VWF: variants seen among roughly 807,000 people sequenced by gnomAD.
VWF encodes von Willebrand factor, also known as Factor VIII related antigen.
A neutral mutation model predicts 308.6 loss-of-function variants in VWF; 176 were observed. The ratio of observed to expected loss-of-function variants is 0.57; its 90% CI spans 0.50 to 0.65. The LOEUF (loss-of-function observed/expected upper bound fraction) is 0.65. Among genes scored for constraint, VWF ranks in the 30% least tolerant of loss-of-function variants. The pLI is 0.00. For synonymous variants in VWF, 1,385 were observed against 1,443.4 expected, an observed-to-expected ratio of 0.96 and a Z score of 0.92; for missense variants, 3,146 against 3,648.2, an observed-to-expected ratio of 0.86 and a Z score of 3.55.
intron 5 of VWF, among the ~76,000 whole-genome samples, chr12:6,104,711 T>C (rs1945221561): frequency 6.6e-6 from 1 of 150,504 alleles, no homozygotes; most frequent in Non-Finnish European, 1.5e-5. Flanking sequence ...AAAAAAAAAA[T>C]ATATAGGACT....
At chr12:6,103,543 T>TATACAC (rs1555075337) in intron 5 of VWF, among the ~76,000 whole-genome samples, 1 of 82,766 alleles carries the variant, frequency 1.2e-5, no homozygotes, top group Non-Finnish European at 2.1e-5. Flanking sequence ...CACATATATG[T>TATACAC]ATACACACAC....
At chr12:5,986,361 A>C (rs965644736) in intron 38 of VWF, among the ~76,000 whole-genome samples, 2 of 152,260 alleles carry the variant, frequency 1.3e-5, no homozygotes, top group Non-Finnish European at 2.9e-5. Context: ...CACAGGGTAC[A>C]CAGCAAAGAG....
chr12:5,992,072 T>C lies in VWF; in HGVS notation c.6599-54A>G, dbSNP rs144907212. 208 of 1,529,300 alleles carry C rather than the reference T, an allele frequency of 1.4e-4. No homozygotes were observed. The East Asian group carries it at 4.4e-3, about 32-fold the overall frequency. The allele number at this position is 1,529,300 out of a possible 1,614,324, so 94.7% of individuals were successfully genotyped here. On this transcript the variant is annotated intron_variant, in intron 37 of 51. Transcript: ENST00000261405. ...AAGGCCCACACCAGCCAGAGTGAAA[T>C]GGGCACAGCTGATTCAACATGGTTA...
intron 6 of VWF, among the ~76,000 whole-genome samples, chr12:6,090,083 G>A (rs1011486989): frequency 1.3e-5 from 2 of 151,706 alleles, no homozygotes; most frequent in Non-Finnish European, 2.9e-5. Context: ...TCAGCCTCCC[G>A]AGTAGCTGGG....
intron 6 of VWF, among the ~76,000 whole-genome samples, chr12:6,087,731 T>C (rs1420141694): frequency 6.6e-6 from 1 of 152,072 alleles, no homozygotes; most frequent in Non-Finnish European, 1.5e-5. Flanking sequence ...GTGGAGAGCA[T>C]TCATGCGGCA....
At chr12:5,964,163 G>A (rs989659185) in intron 47 of VWF, among the ~76,000 whole-genome samples, 8 of 146,354 alleles carry the variant, frequency 5.5e-5, no homozygotes, top group African/African-American at 1.0e-4. Context: ...CTTGCAGTGA[G>A]CCGAGATCTC....
chr12:5,988,729 C>G (rs11063976), intron 38 of VWF, among the ~76,000 whole-genome samples: 14,531 of 152,260 alleles, frequency 0.095, 808 homozygotes, highest in East Asian at 0.24. Context: ...CAGGCCTGGC[C>G]AGGCTATGCA....
At chr12:5,976,860 G>A (rs781326684) in intron 42 of VWF, among the ~76,000 whole-genome samples, 19 of 152,310 alleles carry the variant, frequency 1.2e-4, no homozygotes, top group Middle Eastern at 3.4e-3. Flanking sequence ...AAAGGGAAAC[G>A]TGGAAAGTCT....
At chr12:5,955,713 T>C (rs1415860477) in intron 47 of VWF, among the ~76,000 whole-genome samples, 1 of 152,156 alleles carries the variant, frequency 6.6e-6, no homozygotes, top group Non-Finnish European at 1.5e-5. Context: ...TTAAAGAGTC[T>C]AGAGGAAATG....
At chr12:6,065,388 C>A in intron 10 of VWF, 115 bp from the exon 11 acceptor site, 1 of 1,368,206 alleles carries the variant, frequency 7.3e-7, no homozygotes, top group South Asian at 1.2e-5. Context: ...GCATGGACGT[C>A]CTTTGCCCAA....
chr12:6,042,926 C>T (rs1392166691), intron 18 of VWF, among the ~76,000 whole-genome samples: 2 of 152,172 alleles, frequency 1.3e-5, no homozygotes, highest in Non-Finnish European at 2.9e-5. Context: ...ATGCTTTCCC[C>T]ACACCAAAGC....
chr12:6,065,468 G>A (rs1333613444), intron 10 of VWF, among the ~76,000 whole-genome samples, 195 bp from the exon 11 acceptor site: 1 of 152,208 alleles, frequency 6.6e-6, no homozygotes, highest in Non-Finnish European at 1.5e-5. Context: ...GTCAGAGCTG[G>A]GTCATTCAGG....
At chr12:6,108,276 A>G (rs1046928484) in intron 5 of VWF, among the ~76,000 whole-genome samples, 2 of 150,440 alleles carry the variant, frequency 1.3e-5, no homozygotes, top group African/African-American at 4.9e-5. Flanking sequence ...CCTGGGTGAC[A>G]GAGCAAGACT....
intron 5 of VWF, among the ~76,000 whole-genome samples, chr12:6,108,263 C>T (rs1262676265): frequency 2.0e-5 from 3 of 147,348 alleles, no homozygotes; most frequent in Non-Finnish European, 3.0e-5. Context: ...CACTGCAATC[C>T]GGCCTGGGTG....
intron 18 of VWF, among the ~76,000 whole-genome samples, chr12:6,039,151 G>A (rs762027950): frequency 3.9e-5 from 6 of 152,112 alleles, no homozygotes; most frequent in African/African-American, 9.7e-5. Flanking sequence ...TTGTCCCTTC[G>A]GGACATCAAA....
At chr12:5,957,117 A>G (rs757304209) in intron 47 of VWF, among the ~76,000 whole-genome samples, 37 of 152,252 alleles carry the variant, frequency 2.4e-4, no homozygotes, top group Non-Finnish European at 4.1e-4. Context: ...AGTTGCCTAC[A>G]GTATTCAGCA....
In VWF at chr12:6,044,427, G is replaced by T. The variant is rs1277852868; in HGVS notation, c.2306C>A (p.Pro769His). 10 of 1,614,198 alleles carry T rather than the reference G, an allele frequency of 6.2e-6. No homozygotes were observed. The highest frequency in any genetic ancestry group is 8.5e-6 in the Non-Finnish European group (10 of 1,180,036). The change falls in exon 18 of 52, where the codon CCC becomes CAC. Residue 769 changes from proline (P) to histidine (H), a missense_variant. This residue lies in a region of VWF where 1,304 missense variants were observed against 1,353.0 expected (regional missense o/e 0.96). Coordinates refer to ENST00000261405, the MANE Select transcript of VWF (RefSeq NM_000552.5). ...HRSKRSLSCR[P>H]PMVKLVCPAD... is the part of the protein sequence containing the mutation. ...GGGACACACCAGCTTGACCATGGGG[G>T]GCCGACAGGATAGGCTCCTTTTGCC...
intron 5 of VWF, among the ~76,000 whole-genome samples, chr12:6,097,613 G>A (rs959866199): frequency 6.6e-6 from 1 of 152,152 alleles, no homozygotes; most frequent in African/African-American, 2.4e-5. Flanking sequence ...GATGCTTCCC[G>A]AGAGCTTCTG....
chr12:6,015,924 T>C (rs977246880), intron 31 of VWF, among the ~76,000 whole-genome samples, 165 bp downstream of exon 31: 2 of 152,262 alleles, frequency 1.3e-5, no homozygotes, highest in African/African-American at 2.4e-5. Flanking sequence ...CCTAATCACA[T>C]CGTGGTTGGA....
Sources: allele counts gnomAD v4.1 joint callset (sites outside exome capture counted in the v4.1 genomes callset), GRCh38; gene constraint gnomAD v4.1.1; regional missense constraint gnomAD v4.1.1; transcripts MANE v1.5; gene names NCBI Gene and HGNC (gene_info 2026-07-23, HGNC 2026-07-21).